The following PITPNC1 variants were observed in gnomAD, a reference collection of about 807,000 sequenced individuals.
PITPNC1 encodes the protein cytoplasmic phosphatidylinositol transfer protein 1.
Under a neutral mutation model 44.7 loss-of-function variants are expected in PITPNC1, and 18 were observed. That is an observed-to-expected ratio of 0.40 (90% CI 0.28 to 0.60). PITPNC1 has a LOEUF of 0.60. Ranked by LOEUF, PITPNC1 falls within the 20% of genes least tolerant of loss-of-function variation. The pLI is 0.39. For synonymous variants in PITPNC1, 141 were observed against 149.6 expected, an observed-to-expected ratio of 0.94 and a Z score of 0.42; for missense variants, 290 against 418.4, an observed-to-expected ratio of 0.69 and a Z score of 2.68.
Position 67,692,393 on chromosome 17 carries a change from T to C in PITPNC1, c.683-179T>C, listed in dbSNP as rs78009578. Among the ~76,000 whole-genome samples, 1,259 of 152,280 alleles carry C rather than the reference T, an allele frequency of 8.3e-3. 14 individuals are homozygous for C. Among genetic ancestry groups the C allele is most frequent in the East Asian group, 0.032 (166 of 5,182 alleles). Reference sequence around the variant, plus strand: ...ATAAAGGGATATTGTTTTCAGGGTGTAGCTTCCAATAGAAAAAATTGGGGG... The same window carrying C: ...ATAAAGGGATATTGTTTTCAGGGTGCAGCTTCCAATAGAAAAAATTGGGGG... On this transcript the variant is annotated intron_variant, in intron 8 of 8. Coordinates refer to ENST00000581322, the MANE Select transcript of PITPNC1 (RefSeq NM_012417.4).
At chr17:67,418,168 C>T (rs773779867) in intron 1 of PITPNC1, among the ~76,000 whole-genome samples, 1 of 152,172 alleles carries the variant, frequency 6.6e-6, no homozygotes, top group African/African-American at 2.4e-5. Context: ...ACTTTATTCT[C>T]AGGAGATGGT....
At chr17:67,625,615 C>T (rs983513145) in intron 5 of PITPNC1, among the ~76,000 whole-genome samples, 2 of 152,174 alleles carry the variant, frequency 1.3e-5, no homozygotes, top group Admixed American at 6.5e-5. Context: ...TGTCCCTGCT[C>T]TCCAATTACA....
At chr17:67,493,081 A>AT (rs1319503499) in intron 1 of PITPNC1, among the ~76,000 whole-genome samples, 16 of 152,176 alleles carry the variant, frequency 1.1e-4, no homozygotes, top group Admixed American at 1.0e-3. Flanking sequence ...TTTCCTATTA[A>AT]TTTTTTAAAC....
At chr17:67,464,937 C>A (rs904133878) in intron 1 of PITPNC1, among the ~76,000 whole-genome samples, 6 of 152,184 alleles carry the variant, frequency 3.9e-5, no homozygotes, top group African/African-American at 1.4e-4. Flanking sequence ...TGGGGTTTCA[C>A]TATGTTGGCC....
chr17:67,578,107 G>A, intron 4 of PITPNC1, 79 bp from the exon 5 acceptor site: 2 of 949,670 alleles, frequency 2.1e-6, no homozygotes, highest in Non-Finnish European at 3.4e-6. Flanking sequence ...AAATGGCCAG[G>A]AAAGTATTCA....
chr17:67,377,982 T>G lies in PITPNC1; in HGVS notation c.-173T>G. The stretch of plus-strand genomic sequence containing the variant: ...GAACACCCAGACCCAAACCCTGACA[T>G]GCTCTGGGGCGGAGAGGAGGAAGCC... On this transcript the variant is annotated 5_prime_UTR_variant, in exon 1 of 9. An upstream start codon of the reference 5' UTR is lost. Transcript: ENST00000581322. The G allele has an allele frequency of 6.9e-6, 3 of 436,254 alleles. No individual in the cohort carries two copies. The highest frequency in any genetic ancestry group is 3.8e-5 in the East Asian group (1 of 26,190). The allele number at this position is 436,254 out of a possible 1,614,324, so 27.0% of individuals were successfully genotyped here. A position where few individuals can be genotyped will look rare whatever the true frequency, so the allele number is the denominator to read the frequency against.
rs920234755 is a variant in PITPNC1 at position 67,388,446 on chromosome 17, C to T, written c.48+10244C>T. ...AAGTGATTCTCCTGCCTCAGCCTCCCGAGTAGCTGGGATTACAGGTGCCCA... is the reference window on the plus strand; with the variant it reads ...AAGTGATTCTCCTGCCTCAGCCTCCTGAGTAGCTGGGATTACAGGTGCCCA... On this transcript the variant is annotated intron_variant, in intron 1 of 8. Coordinates refer to ENST00000581322, the MANE Select transcript of PITPNC1 (RefSeq NM_012417.4). 5.3e-5 allele frequency among the ~76,000 whole-genome samples: 8 copies of T among 151,276 alleles called. No homozygotes were observed. In the South Asian group the frequency reaches 6.3e-4, roughly 12 times the overall value.
At chr17:67,502,292 T>G (rs1006470988) in intron 1 of PITPNC1, among the ~76,000 whole-genome samples, 5 of 152,078 alleles carry the variant, frequency 3.3e-5, no homozygotes, top group African/African-American at 1.2e-4. Context: ...TACTTTTTTT[T>G]TTTTTAGGCC....
chr17:67,483,228 G>C, intron 1 of PITPNC1, among the ~76,000 whole-genome samples: 1 of 152,138 alleles, frequency 6.6e-6, no homozygotes, highest in East Asian at 1.9e-4. Context: ...CTCATTTGGG[G>C]CAGAATTTGA....
Position 67,621,843 on chromosome 17 carries a change from A to C in PITPNC1, c.367-10300A>C, listed in dbSNP as rs148420630. Among the ~76,000 whole-genome samples the C allele has an allele frequency of 3.3e-3, 499 of 152,236 alleles. 3 individuals carry two copies. Among genetic ancestry groups the C allele is most frequent in the Non-Finnish European group, 3.9e-3 (263 of 68,020 alleles). ...CAAAAATGGTTCTGAGGCCAGGTGC[A>C]GTGGCTCACACCCGTAATCCTAACA... is the stretch of plus-strand genomic sequence containing the variant. On this transcript the variant is annotated intron_variant, in intron 5 of 8. Transcript: ENST00000581322.
At chr17:67,517,938 T>C (rs536795604) in intron 1 of PITPNC1, among the ~76,000 whole-genome samples, 1 of 152,350 alleles carries the variant, frequency 6.6e-6, no homozygotes, top group African/African-American at 2.4e-5. Flanking sequence ...TAAAGTCATC[T>C]TTAAGATTAC....
chr17:67,418,839 G>A (rs2038624220), intron 1 of PITPNC1, among the ~76,000 whole-genome samples: 1 of 152,284 alleles, frequency 6.6e-6, no homozygotes, highest in East Asian at 1.9e-4. Flanking sequence ...GGGATTACAG[G>A]CGTGAGCCAC....
At chr17:67,640,234 C>T (rs1205843840) in intron 6 of PITPNC1, among the ~76,000 whole-genome samples, 1 of 152,082 alleles carries the variant, frequency 6.6e-6, no homozygotes, top group African/African-American at 2.4e-5. Context: ...TCCCTGCTGC[C>T]AAAGGGGTCC....
At chr17:67,378,332 G>C in intron 1 of PITPNC1, 130 bp downstream of exon 1, 1 of 541,734 alleles carries the variant, frequency 1.8e-6, no homozygotes, top group Non-Finnish European at 3.1e-6. Flanking sequence ...CCGAAGCCTG[G>C]AGGAGAGGAG....
At chr17:67,456,288 A>G (rs2039253498) in intron 1 of PITPNC1, among the ~76,000 whole-genome samples, 1 of 152,028 alleles carries the variant, frequency 6.6e-6, no homozygotes. Context: ...TAAGTTTTGT[A>G]TGTTGTTGTA....
chr17:67,655,359 C>T (rs2042251408), intron 6 of PITPNC1, among the ~76,000 whole-genome samples: 1 of 151,720 alleles, frequency 6.6e-6, no homozygotes, highest in African/African-American at 2.4e-5. Context: ...GAGATCAAGA[C>T]CATCCTGGCT....
chr17:67,639,928 G>A (rs143070301), intron 6 of PITPNC1, among the ~76,000 whole-genome samples: 214 of 152,166 alleles, frequency 1.4e-3, no homozygotes, highest in African/African-American at 3.8e-3. Flanking sequence ...CAAATCACTC[G>A]GCTCCCTCAA....
chr17:67,463,055 A>T (rs2039366906), intron 1 of PITPNC1, among the ~76,000 whole-genome samples: 1 of 152,266 alleles, frequency 6.6e-6, no homozygotes. Context: ...TCAACTAAAG[A>T]CTTTGGTTTG....
intron 8 of PITPNC1, among the ~76,000 whole-genome samples, chr17:67,677,607 G>A (rs1002082215): frequency 6.6e-6 from 1 of 150,892 alleles, no homozygotes; most frequent in Non-Finnish European, 1.5e-5. Context: ...TCGCACTGTC[G>A]TACGGACTGG....
Sources: allele counts gnomAD v4.1 joint callset (sites outside exome capture counted in the v4.1 genomes callset), GRCh38; gene constraint gnomAD v4.1.1; transcripts MANE v1.5; gene names NCBI Gene and HGNC (gene_info 2026-07-23, HGNC 2026-07-21).